Variants in PRXL2A observed in about 807,000 individuals in gnomAD.
The protein encoded by PRXL2A is peroxiredoxin-like 2A.
In PRXL2A, 26 loss-of-function variants were observed where a neutral mutation model predicts 25.6. That is an observed-to-expected ratio of 1.02 (90% CI 0.74 to 1.41). The LOEUF (loss-of-function observed/expected upper bound fraction) is 1.41. Ranked by LOEUF, PRXL2A falls within the 40% of genes most tolerant of loss-of-function variation. PRXL2A has a pLI of 0.00. For synonymous variants in PRXL2A, 98 were observed against 102.9 expected, an observed-to-expected ratio of 0.95 and a Z score of 0.29; for missense variants, 246 against 273.9, an observed-to-expected ratio of 0.90 and a Z score of 0.72.
At chr10:80,417,605 C>G (rs994261860) in intron 1 of PRXL2A, among the ~76,000 whole-genome samples, 19 of 152,072 alleles carry the variant, frequency 1.2e-4, no homozygotes, top group Admixed American at 5.9e-4. Context: ...TAGCAGCACC[C>G]CCTTCCCCAA....
intron 5 of PRXL2A, among the ~76,000 whole-genome samples, chr10:80,427,911 T>A (rs1213695320): frequency 1.3e-5 from 2 of 152,160 alleles, no homozygotes; most frequent in Non-Finnish European, 2.9e-5. Flanking sequence ...TGACTTTAAG[T>A]TTTGTTTTCT....
At chr10:80,412,465 A>G (rs1017123123) in intron 1 of PRXL2A, among the ~76,000 whole-genome samples, 2 of 152,256 alleles carry the variant, frequency 1.3e-5, no homozygotes, top group African/African-American at 4.8e-5. Flanking sequence ...CCTGATAATT[A>G]CCAGGATCTG....
At chr10:80,417,865 G>T (rs1302533564) in intron 1 of PRXL2A, among the ~76,000 whole-genome samples, 1 of 150,538 alleles carries the variant, frequency 6.6e-6, no homozygotes, top group Non-Finnish European at 1.5e-5. Flanking sequence ...CCACAGGCGT[G>T]TGCCACCATG....
intron 1 of PRXL2A, among the ~76,000 whole-genome samples, chr10:80,419,112 A>G (rs1156293943): frequency 2.0e-5 from 3 of 149,366 alleles, no homozygotes; most frequent in Non-Finnish European, 4.5e-5. Flanking sequence ...CAGCCTCCCA[A>G]ATAGCTGGGA....
chr10:80,408,724 G>C lies in PRXL2A; in HGVS notation c.-3+81G>C, dbSNP rs537376461. The C allele has an allele frequency of 2.0e-5, 3 of 152,502 alleles. No individual in the cohort carries two copies. The East Asian group carries it at 5.8e-4, about 30-fold the overall frequency. 9.4% of individuals were successfully genotyped at this position (152,502 alleles called of 1,614,324 possible). ...GCCGCGGCGTAGGTGGGGAAACTGA[G>C]GCAGTGCAGGGCCGGTAGGGTGGGT... On this transcript the variant is annotated intron_variant, in intron 1 of 5. Transcript: ENST00000606162.
intron 2 of PRXL2A, 53 bp downstream of exon 2, chr10:80,420,698 G>A: frequency 7.7e-7 from 1 of 1,294,698 alleles, no homozygotes; most frequent in South Asian, 2.1e-5. Context: ...TGGGATACAG[G>A]CTTACTGCTT....
At chr10:80,408,923 C>A in intron 1 of PRXL2A, 1 of 513,764 alleles carries the variant, frequency 1.9e-6, no homozygotes, top group Non-Finnish European at 2.5e-6. Flanking sequence ...GCTGCTGCGG[C>A]GGGCTAGGGC....
intron 2 of PRXL2A, 78 bp downstream of exon 2, chr10:80,420,723 C>T: frequency 1.8e-6 from 2 of 1,118,602 alleles, no homozygotes; most frequent in Non-Finnish European, 2.4e-6. Context: ...TCTAAACTCT[C>T]TCCTTTTTTT....
Position 80,435,684 on chromosome 10 carries a change from G to A in PRXL2A, c.*3585G>A, listed in dbSNP as rs1845385679. 6.6e-6 allele frequency: 1 copy of A among 152,166 alleles called. No individual in the cohort carries two copies. Among genetic ancestry groups the A allele is most frequent in the Non-Finnish European group, 1.5e-5 (1 of 68,052 alleles). The allele number at this position is 152,166 out of a possible 1,614,324, so 9.4% of individuals were successfully genotyped here. The stretch of plus-strand genomic sequence containing the variant: ...GATGGGGGTCTCCCTGTATTGCCCA[G>A]GCTGGTCTCAAACTCCTGGCCTCCC... On this transcript the variant is annotated 3_prime_UTR_variant, in exon 6 of 6. Transcript: ENST00000606162.
chr10:80,409,195 CA>C (rs1844385835), intron 1 of PRXL2A: 1 of 426,356 alleles, frequency 2.3e-6, no homozygotes, highest in Non-Finnish European at 3.1e-6. Context: ...CCAAGAGTCA[CA>C]AACGCCTGAC....
chr10:80,425,546 A>G (rs1055929088), intron 3 of PRXL2A, among the ~76,000 whole-genome samples: 4 of 152,226 alleles, frequency 2.6e-5, no homozygotes, highest in African/African-American at 9.6e-5. Context: ...ATACCTTTCC[A>G]GAGGGTAGGG....
At position 80,436,307 on chromosome 10, in the gene PRXL2A, C is replaced by G. The variant is rs969345496; in HGVS notation, c.*4208C>G. ...TTTTTAAATTTTTTGTAGAGGCAAG[C>G]TCTTATACTATCTTGCACAGGCTGG... On this transcript the variant is annotated 3_prime_UTR_variant, in exon 6 of 6. Coordinates refer to ENST00000606162, the MANE Select transcript of PRXL2A (RefSeq NM_032333.5). 6.6e-6 allele frequency: 1 copy of G among 152,034 alleles called. No individual in the cohort carries two copies. The highest frequency in any genetic ancestry group is 2.4e-5 in the African/African-American group (1 of 41,376). The allele number at this position is 152,034 out of a possible 1,614,324, so 9.4% of individuals were successfully genotyped here.
At chr10:80,430,741 G>A (rs1261321049) in intron 5 of PRXL2A, among the ~76,000 whole-genome samples, 7 of 152,210 alleles carry the variant, frequency 4.6e-5, no homozygotes, top group South Asian at 2.1e-4. Flanking sequence ...CTCAGCCACC[G>A]TGGAAAATCC....
Position 80,432,666 on chromosome 10 carries a change from G to C in PRXL2A, c.*567G>C, listed in dbSNP as rs1468908016. 6.7e-6 allele frequency: 1 copy of C among 149,662 alleles called. No homozygotes were observed. Among genetic ancestry groups the C allele is most frequent in the Non-Finnish European group, 1.5e-5 (1 of 67,650 alleles). 9.3% of individuals were successfully genotyped at this position (149,662 alleles called of 1,614,324 possible). A position where few individuals can be genotyped will look rare whatever the true frequency, so the allele number is the denominator to read the frequency against. On this transcript the variant is annotated 3_prime_UTR_variant, in exon 6 of 6. Coordinates refer to ENST00000606162, the MANE Select transcript of PRXL2A (RefSeq NM_032333.5). ...AAAAAAAAAAAAAAAATTGATTGCT[G>C]TGCCTCATTACAAATGCATATGATG...
intron 1 of PRXL2A, among the ~76,000 whole-genome samples, chr10:80,410,531 C>T (rs976373753): frequency 2.0e-5 from 3 of 152,236 alleles, no homozygotes; most frequent in East Asian, 1.9e-4. Flanking sequence ...TATAGGGGCA[C>T]GAGTGAATCT....
chr10:80,428,281 G>T (rs1845122076), intron 5 of PRXL2A, among the ~76,000 whole-genome samples: 1 of 152,232 alleles, frequency 6.6e-6, no homozygotes, highest in South Asian at 2.1e-4. Flanking sequence ...TCAGAGTCTA[G>T]GCAGCCTTGA....
chr10:80,410,826 T>C (rs575719889), intron 1 of PRXL2A, among the ~76,000 whole-genome samples: 1 of 152,260 alleles, frequency 6.6e-6, no homozygotes, highest in South Asian at 2.1e-4. Flanking sequence ...CAGGAGGCTG[T>C]GCAAGTGAGA....
rs1394860525 is a variant in PRXL2A at position 80,435,955 on chromosome 10, G to A, written c.*3856G>A. The A allele has an allele frequency of 1.3e-5, 2 of 152,100 alleles. No individual in the cohort carries two copies. Among genetic ancestry groups the A allele is most frequent in the African/African-American group, 4.8e-5 (2 of 41,428 alleles). 9.4% of individuals were successfully genotyped at this position (152,100 alleles called of 1,614,324 possible). ...GATAAACTGAGAATCCACATGCAAA[G>A]AAATGCAAGAAAATTCAAAGAACGT... is the stretch of plus-strand genomic sequence containing the variant. On this transcript the variant is annotated 3_prime_UTR_variant, in exon 6 of 6. Transcript: ENST00000606162.
Position 80,435,744 on chromosome 10 carries a change from G to A in PRXL2A, c.*3645G>A, listed in dbSNP as rs1331429240. 1 of 152,214 alleles carries A rather than the reference G, an allele frequency of 6.6e-6. No individual in the cohort carries two copies. Among genetic ancestry groups the A allele is most frequent in the African/African-American group, 2.4e-5 (1 of 41,436 alleles). 9.4% of individuals were successfully genotyped at this position (152,214 alleles called of 1,614,324 possible). ...AGATTACAGGTGTAAGCCACCACAC[G>A]TGGCCAGCCTCTGCATTTCTAACAG... is the stretch of plus-strand genomic sequence containing the variant. On this transcript the variant is annotated 3_prime_UTR_variant, in exon 6 of 6. Transcript: ENST00000606162.
Sources: gnomAD v4.1 joint callset for allele counts (sites outside exome capture counted in the v4.1 genomes callset) on GRCh38, gnomAD v4.1.1 for gene constraint, MANE v1.5 for transcripts, NCBI Gene and HGNC (gene_info 2026-07-23, HGNC 2026-07-21) for gene names.